CNTNAP5: variants seen among roughly 807,000 people sequenced by gnomAD.
CNTNAP5 encodes the protein contactin-associated protein-like 5.
Under a neutral mutation model 150.2 loss-of-function variants are expected in CNTNAP5, and 72 were observed. The observed-to-expected ratio is 0.48, with a 90% CI of 0.40 to 0.58. The LOEUF (loss-of-function observed/expected upper bound fraction) is 0.58, where lower values mean the gene tolerates loss of function less well. Among genes scored for constraint, CNTNAP5 ranks in the 20% least tolerant of loss-of-function variants. The probability of loss-of-function intolerance (pLI) is 0.00; values close to 1 mark genes in which losing one functional copy is unlikely to be tolerated. For synonymous variants in CNTNAP5, 672 were observed against 619.8 expected (o/e 1.08, Z -1.25); for missense variants, 1,636 against 1,626.2 (o/e 1.01, Z -0.10).
chr2:124,736,622 G>A (rs1680387898), intron 13 of CNTNAP5, among the ~76,000 whole-genome samples: 1 of 152,154 alleles, frequency 6.6e-6, no homozygotes, highest in Admixed American at 6.5e-5. Context: ...AGGCTTAATA[G>A]ATGTCTCTTT....
intron 1 of CNTNAP5, among the ~76,000 whole-genome samples, chr2:124,041,657 C>G (rs1264373745): frequency 6.6e-6 from 1 of 152,020 alleles, no homozygotes; most frequent in Non-Finnish European, 1.5e-5. Flanking sequence ...TTGGTTGTCA[C>G]AGCTTGGGGG....
intron 19 of CNTNAP5, among the ~76,000 whole-genome samples, chr2:124,852,964 GC>G (rs1337325706): frequency 1.3e-5 from 2 of 152,194 alleles, no homozygotes; most frequent in African/African-American, 4.8e-5. Flanking sequence ...TAAAAGGGGA[GC>G]TTTTTGGTGA....
chr2:124,419,980 C>T (rs1242220373), intron 4 of CNTNAP5, among the ~76,000 whole-genome samples: 3 of 95,332 alleles, frequency 3.1e-5, no homozygotes, highest in Non-Finnish European at 4.4e-5. Flanking sequence ...CTCTTTCTTT[C>T]TTTCTTTCTT....
At chr2:124,286,101 A>G (rs1688143961) in intron 3 of CNTNAP5, among the ~76,000 whole-genome samples, 1 of 152,206 alleles carries the variant, frequency 6.6e-6, no homozygotes, top group Admixed American at 6.5e-5. Context: ...ACACTAAACT[A>G]GGTATTTGAA....
chr2:124,776,813 A>T (rs926278609), intron 17 of CNTNAP5, among the ~76,000 whole-genome samples: 1 of 152,218 alleles, frequency 6.6e-6, no homozygotes, highest in Non-Finnish European at 1.5e-5. Context: ...GATAATAATT[A>T]TCATGACATC....
In CNTNAP5 at chr2:124,764,084, G is replaced by A; in HGVS notation, c.2470G>A (p.Ala824Thr). ...ADISFFFKTT[A>T]LSGVFLENLG... Reference sequence around the variant, plus strand: ...TATTTCCTTCTTTTTTAAAACCACAGCATTATCCGGAGTTTTCCTAGAAAA... The same window carrying A: ...TATTTCCTTCTTTTTTAAAACCACAACATTATCCGGAGTTTTCCTAGAAAA... The change falls in exon 16 of 24, where the codon GCA becomes ACA. Residue 824 changes from alanine to threonine, a missense_variant. Transcript: ENST00000682447. 1 of 1,613,126 alleles carries A rather than the reference G, an allele frequency of 6.2e-7. No homozygotes were observed. The highest frequency in any genetic ancestry group is 8.5e-7 in the Non-Finnish European group (1 of 1,179,324).
intron 13 of CNTNAP5, among the ~76,000 whole-genome samples, chr2:124,665,790 G>T (rs1188195593): frequency 6.6e-6 from 1 of 151,854 alleles, no homozygotes; most frequent in African/African-American, 2.4e-5. Flanking sequence ...GGAGGCTGAG[G>T]CAGGAGAATG....
At chr2:124,800,663 T>C (rs1354169342) in intron 19 of CNTNAP5, among the ~76,000 whole-genome samples, 1 of 152,230 alleles carries the variant, frequency 6.6e-6, no homozygotes, top group Non-Finnish European at 1.5e-5. Flanking sequence ...TCTTGAATTC[T>C]ACCCTGCCCC....
chr2:124,758,165 G>A (rs140732251), intron 14 of CNTNAP5, among the ~76,000 whole-genome samples: 229 of 152,264 alleles, frequency 1.5e-3, no homozygotes, highest in African/African-American at 5.3e-3. Context: ...CAGTTGAATG[G>A]AGAGATATGA....
chr2:124,670,820 C>T (rs528755151), intron 13 of CNTNAP5, among the ~76,000 whole-genome samples: 2 of 152,320 alleles, frequency 1.3e-5, no homozygotes, highest in East Asian at 3.9e-4. Context: ...TCTGTTCACT[C>T]TATTTAAAAT....
chr2:124,678,476 G>A (rs1003041272), intron 13 of CNTNAP5, among the ~76,000 whole-genome samples: 1 of 151,690 alleles, frequency 6.6e-6, no homozygotes, highest in African/African-American at 2.4e-5. Flanking sequence ...TCCTCACCGA[G>A]AGCATTCCTT....
At chr2:124,117,515 G>A (rs1683454988) in intron 1 of CNTNAP5, among the ~76,000 whole-genome samples, 1 of 152,250 alleles carries the variant, frequency 6.6e-6, no homozygotes, top group African/African-American at 2.4e-5. Context: ...TTGATTTGGG[G>A]TAAAAAGTTA....
At chr2:124,704,371 A>C (rs17011902) in intron 13 of CNTNAP5, among the ~76,000 whole-genome samples, 2 of 152,082 alleles carry the variant, frequency 1.3e-5, no homozygotes, top group African/African-American at 4.8e-5. Flanking sequence ...GATTTTTTAA[A>C]AGAGATTAAA....
intron 3 of CNTNAP5, among the ~76,000 whole-genome samples, chr2:124,387,288 A>C (rs1177012437): frequency 6.6e-6 from 1 of 152,186 alleles, no homozygotes; most frequent in Non-Finnish European, 1.5e-5. Flanking sequence ...AAGATGCCCC[A>C]CCAATAATTT....
At chr2:124,609,771 G>A (rs768007070) in intron 11 of CNTNAP5, 30 bp from the exon 12 acceptor site, 5 of 1,610,270 alleles carry the variant, frequency 3.1e-6, no homozygotes, top group Non-Finnish European at 4.2e-6. Flanking sequence ...GCCAAGCAAA[G>A]TTTTATCTCT....
At chr2:124,280,342 G>A (rs1687982883) in intron 3 of CNTNAP5, among the ~76,000 whole-genome samples, 1 of 151,896 alleles carries the variant, frequency 6.6e-6, no homozygotes, top group South Asian at 2.1e-4. Context: ...TAATTTTTTT[G>A]TATTTTTAGT....
chr2:124,757,047 C>CA (rs1199249204), intron 14 of CNTNAP5, among the ~76,000 whole-genome samples: 3 of 152,150 alleles, frequency 2.0e-5, no homozygotes, highest in Non-Finnish European at 2.9e-5. Flanking sequence ...ATTCAACCAC[C>CA]AAACTTCGAG....
At chr2:124,688,150 C>T (rs1205021109) in intron 13 of CNTNAP5, among the ~76,000 whole-genome samples, 1 of 152,088 alleles carries the variant, frequency 6.6e-6, no homozygotes, top group African/African-American at 2.4e-5. Context: ...TATAACTTAA[C>T]TCTGTATCAA....
Position 124,479,813 on chromosome 2 carries a change from A to G in CNTNAP5, c.1062+4931A>G, listed in dbSNP as rs140366840. 8.6e-3 allele frequency among the ~76,000 whole-genome samples: 1,307 copies of G among 152,152 alleles called. 10 individuals carry two copies. The highest frequency in any genetic ancestry group is 9.9e-3 in the Non-Finnish European group (672 of 67,994). The stretch of plus-strand genomic sequence containing the variant: ...TTGACTTCCTAGGTTGTTCATCCCC[A>G]CTCCATGGCTTATTCAGCTATGGGA... On this transcript the variant is annotated intron_variant, in intron 7 of 23. Transcript: ENST00000682447.
Sources: gnomAD v4.1 joint callset for allele counts (sites outside exome capture counted in the v4.1 genomes callset) on GRCh38, gnomAD v4.1.1 for gene constraint, MANE v1.5 for transcripts, NCBI Gene and HGNC (gene_info 2026-07-23, HGNC 2026-07-21) for gene names.